Variants in FAT3 observed in about 807,000 individuals in gnomAD.
FAT3 encodes the protein protocadherin Fat 3.
In FAT3, 95 loss-of-function variants were observed where a neutral mutation model predicts 310.2. That is an observed-to-expected ratio of 0.31 (90% CI 0.26 to 0.36). FAT3 has a LOEUF of 0.36. Among genes scored for constraint, FAT3 ranks in the 10% least tolerant of loss-of-function variants. The probability of loss-of-function intolerance (pLI) is 1.00; values close to 1 mark genes in which losing one functional copy is unlikely to be tolerated. For missense variants in FAT3, 5,408 were observed against 5,715.6 expected (o/e 0.95, Z 1.74); for synonymous variants, 2,314 against 2,192.9 (o/e 1.06, Z -1.54).
At chr11:92,776,835 A>T (rs1356197845) in intron 7 of FAT3, among the ~76,000 whole-genome samples, 1 of 152,088 alleles carries the variant, frequency 6.6e-6, no homozygotes, top group Non-Finnish European at 1.5e-5. Context: ...ACATACTTGT[A>T]TGTCATTGGT....
intron 2 of FAT3, among the ~76,000 whole-genome samples, chr11:92,521,398 A>G (rs893486878): frequency 6.6e-6 from 1 of 152,140 alleles, no homozygotes; most frequent in Non-Finnish European, 1.5e-5. Flanking sequence ...TGGCATGACA[A>G]TTCATCCCCA....
At chr11:92,447,850 A>G (rs1367715643) in intron 2 of FAT3, among the ~76,000 whole-genome samples, 2 of 152,200 alleles carry the variant, frequency 1.3e-5, no homozygotes, top group African/African-American at 4.8e-5. Flanking sequence ...AGGCCTGTCC[A>G]AAGCAGCTTG....
At chr11:92,870,664 C>G (rs1422691822) in intron 22 of FAT3, among the ~76,000 whole-genome samples, 1 of 152,112 alleles carries the variant, frequency 6.6e-6, no homozygotes, top group Non-Finnish European at 1.5e-5. Flanking sequence ...ATGCTTAGCT[C>G]AAGCCCATTA....
At chr11:92,533,445 T>A (rs1232728093) in intron 3 of FAT3, among the ~76,000 whole-genome samples, 1 of 152,100 alleles carries the variant, frequency 6.6e-6, no homozygotes, top group African/African-American at 2.4e-5. Flanking sequence ...TAAGTTAGAT[T>A]CCAATGGACA....
chr11:92,495,682 T>G (rs1409220861), intron 2 of FAT3, among the ~76,000 whole-genome samples: 2 of 152,022 alleles, frequency 1.3e-5, no homozygotes, highest in East Asian at 3.9e-4. Flanking sequence ...TCCCTGTACC[T>G]AGTAAAATGG....
chr11:92,834,265 C>T (rs1948340348), intron 14 of FAT3, among the ~76,000 whole-genome samples: 1 of 152,226 alleles, frequency 6.6e-6, no homozygotes, highest in Non-Finnish European at 1.5e-5. Context: ...GGGCACTAAA[C>T]TCAATATGTG....
In FAT3 at chr11:92,890,972, C is replaced by T. The variant is rs370343458; in HGVS notation, c.13629C>T (p.Gly4543=). The part of the protein sequence containing the change: ...SVSLSLHNSR[G]TSSSDVSANC... Reference sequence around the variant, plus strand: ...CTCTGTCCTTGCACAATTCCAGAGGCACCTCATCCTCGGATGTGTCTGCCA... The same window carrying T: ...CTCTGTCCTTGCACAATTCCAGAGGTACCTCATCCTCGGATGTGTCTGCCA... The change falls in exon 28 of 28, where the codon GGC becomes GGT. Residue 4543 remains glycine, a synonymous_variant. Coordinates refer to ENST00000525166, the MANE Select transcript of FAT3 (RefSeq NM_001367949.2). The T allele has an allele frequency of 1.5e-5, 24 of 1,613,834 alleles. No individual in the cohort carries two copies. In the African/African-American group the frequency reaches 2.7e-4, roughly 18 times the overall value.
intron 20 of FAT3, among the ~76,000 whole-genome samples, chr11:92,858,564 A>G (rs1949042769): frequency 6.6e-6 from 1 of 152,168 alleles, no homozygotes; most frequent in African/African-American, 2.4e-5. Flanking sequence ...AAAAGAGTAA[A>G]CTCAGAATTG....
At chr11:92,507,068 T>A (rs1953124646) in intron 2 of FAT3, among the ~76,000 whole-genome samples, 1 of 152,216 alleles carries the variant, frequency 6.6e-6, no homozygotes, top group Non-Finnish European at 1.5e-5. Context: ...TGTTTTCTTG[T>A]CAAAGCTGGT....
chr11:92,415,366 T>G (rs1333022521), intron 2 of FAT3, among the ~76,000 whole-genome samples: 2 of 152,166 alleles, frequency 1.3e-5, no homozygotes, highest in Non-Finnish European at 2.9e-5. Context: ...CATTCCTAGA[T>G]GTTTGTGTGT....
At chr11:92,567,895 G>T (rs1387989548) in intron 3 of FAT3, among the ~76,000 whole-genome samples, 2 of 138,704 alleles carry the variant, frequency 1.4e-5, no homozygotes, top group Non-Finnish European at 3.1e-5. Context: ...CTGTTGTGGG[G>T]TTGGGGGAGG....
chr11:92,634,584 C>T (rs1941685648), intron 3 of FAT3, among the ~76,000 whole-genome samples: 1 of 152,178 alleles, frequency 6.6e-6, no homozygotes, highest in African/African-American at 2.4e-5. Flanking sequence ...GAGCGCAGGG[C>T]TTCTTGCAGA....
chr11:92,680,797 G>C (rs1943460033), intron 3 of FAT3, among the ~76,000 whole-genome samples: 1 of 152,308 alleles, frequency 6.6e-6, no homozygotes, highest in Non-Finnish European at 1.5e-5. Flanking sequence ...AAAAGCTTAA[G>C]CTCACAGAGT....
rs200639035 is a variant in FAT3, at chr11:92,836,632, C to A, written c.10153C>A (p.Arg3385=). 1 of 1,613,520 alleles carries A rather than the reference C, an allele frequency of 6.2e-7. No homozygotes were observed. Among genetic ancestry groups the A allele is most frequent in the Non-Finnish European group, 8.5e-7 (1 of 1,179,738 alleles). Residue 3385 remains arginine (R), a synonymous_variant, in exon 16 of 28, where the codon CGG becomes AGG. Transcript: ENST00000525166. ...TCATTTTTCCATTGTGAATGGAGATCGGGACAATGAATTTACTGTAGATCC... is the reference window on the plus strand; with the variant it reads ...TCATTTTTCCATTGTGAATGGAGATAGGGACAATGAATTTACTGTAGATCC... The part of the protein sequence containing the change: ...QIHFSIVNGD[R]DNEFTVDPVL...
intron 13 of FAT3, among the ~76,000 whole-genome samples, chr11:92,827,529 G>C (rs188754190): frequency 6.6e-6 from 1 of 152,296 alleles, no homozygotes; most frequent in East Asian, 1.9e-4. Context: ...TGGCCTAGAG[G>C]TAAAGTCCCC....
chr11:92,539,525 T>C (rs767458100), intron 3 of FAT3, among the ~76,000 whole-genome samples: 10 of 152,158 alleles, frequency 6.6e-5, no homozygotes, highest in Non-Finnish European at 1.2e-4. Context: ...GATTTGGGAT[T>C]GTGTACATAG....
chr11:92,627,826 G>A (rs1215103437), intron 3 of FAT3, among the ~76,000 whole-genome samples: 1 of 152,172 alleles, frequency 6.6e-6, no homozygotes, highest in Non-Finnish European at 1.5e-5. Context: ...GGCATTAAAA[G>A]GATGAGTTGA....
chr11:92,409,764 T>G (rs1950212648), intron 2 of FAT3, among the ~76,000 whole-genome samples: 1 of 152,152 alleles, frequency 6.6e-6, no homozygotes, highest in Non-Finnish European at 1.5e-5. Flanking sequence ...TGCAGGGTAG[T>G]GCTTACAACT....
chr11:92,587,646 A>C (rs1476125562), intron 3 of FAT3, among the ~76,000 whole-genome samples: 1 of 152,008 alleles, frequency 6.6e-6, no homozygotes, highest in East Asian at 1.9e-4. Flanking sequence ...AGTTTATTGA[A>C]TTCAGGCTGT....
Sources: gnomAD v4.1 joint callset for allele counts (sites outside exome capture counted in the v4.1 genomes callset) on GRCh38, gnomAD v4.1.1 for gene constraint, MANE v1.5 for transcripts, NCBI Gene and HGNC (gene_info 2026-07-23, HGNC 2026-07-21) for gene names.